Variants in NINL observed in about 807,000 individuals in gnomAD.
NINL encodes ninein-like protein.
A neutral mutation model predicts 160.3 loss-of-function variants in NINL; 153 were observed. The observed-to-expected ratio is 0.95, with a 90% CI of 0.84 to 1.09. The LOEUF is 1.09. Ranked by LOEUF, NINL falls within the 50% of genes least tolerant of loss-of-function variation. The pLI is 0.00. For missense variants in NINL, 1,829 were observed against 1,764.0 expected (o/e 1.04, Z -0.66); for synonymous variants, 800 against 734.8 (o/e 1.09, Z -1.43).
At chr20:25,506,976 A>T (rs936795345) in intron 5 of NINL, among the ~76,000 whole-genome samples, 1 of 152,244 alleles carries the variant, frequency 6.6e-6, no homozygotes, top group Middle Eastern at 3.2e-3. Context: ...TGTCTCAAAC[A>T]TATATTCTTA....
At chr20:25,498,901 A>G in intron 8 of NINL, 3 of 985,290 alleles carry the variant, frequency 3.0e-6, no homozygotes, top group Non-Finnish European at 3.6e-6. Flanking sequence ...CAAAGCACAG[A>G]ACAGCCGGCA....
chr20:25,467,433 C>T lies in NINL; in HGVS notation c.3379G>A (p.Asp1127Asn). 2 of 1,614,098 alleles carry T rather than the reference C, an allele frequency of 1.2e-6. No individual in the cohort carries two copies. The highest frequency in any genetic ancestry group is 1.7e-6 in the Non-Finnish European group (2 of 1,179,944). ...QRKEIEVLKKDKEKACSEMEV... is the reference protein window; with the variant it reads ...QRKEIEVLKKNKEKACSEMEV... ...ATCTCAGAGCAGGCCTTTTCCTTGT[C>T]TTTCTTTAAAACCTCAATTTCCTTC... The change falls in exon 19 of 24, where the codon GAC (aspartate) becomes AAC (asparagine). Residue 1127 changes from aspartate to asparagine, a missense_variant. Asp to Asn is a conservative substitution (Grantham distance 23). Transcript: ENST00000278886.
At chr20:25,495,765 C>A (rs1462878734) in intron 10 of NINL, among the ~76,000 whole-genome samples, 1 of 152,224 alleles carries the variant, frequency 6.6e-6, no homozygotes, top group Non-Finnish European at 1.5e-5. Flanking sequence ...CTCTCCCTGC[C>A]TGAGCCTGGG....
At chr20:25,489,210 A>T (rs2146663386) in intron 13 of NINL, 34 bp downstream of exon 13, 1 of 1,602,648 alleles carries the variant, frequency 6.2e-7, no homozygotes, top group Non-Finnish European at 8.6e-7. Flanking sequence ...GAGCCTGGAC[A>T]TGAGACTAAA....
chr20:25,453,866 C>T (rs1459051292), intron 23 of NINL, among the ~76,000 whole-genome samples: 5 of 151,992 alleles, frequency 3.3e-5, no homozygotes, highest in Non-Finnish European at 1.5e-5. Context: ...CTGGCGAACA[C>T]GGTGAAACCC....
chr20:25,521,628 A>G (rs1290584142), intron 2 of NINL, among the ~76,000 whole-genome samples: 1 of 152,224 alleles, frequency 6.6e-6, no homozygotes, highest in Admixed American at 6.5e-5. Flanking sequence ...ATTTGAGATT[A>G]TCTAGTGTAC....
chr20:25,542,059 G>A (rs894509049), intron 1 of NINL, among the ~76,000 whole-genome samples: 3 of 152,216 alleles, frequency 2.0e-5, no homozygotes, highest in Non-Finnish European at 2.9e-5. Context: ...CCCTAGAGCT[G>A]GATGACAGCA....
intron 1 of NINL, among the ~76,000 whole-genome samples, chr20:25,557,899 C>T (rs1432415521): frequency 1.3e-5 from 2 of 150,728 alleles, no homozygotes; most frequent in South Asian, 2.1e-4. Flanking sequence ...AAGGCCGAGG[C>T]GGGCAGATCA....
intron 1 of NINL, among the ~76,000 whole-genome samples, chr20:25,529,016 G>T (rs539000718): frequency 2.0e-4 from 31 of 152,282 alleles, no homozygotes; most frequent in African/African-American, 7.0e-4. Flanking sequence ...GTCAGAAAAA[G>T]AATGTATGAG....
At chr20:25,482,137 G>A (rs1233199121) in intron 13 of NINL, 37 bp from the exon 14 acceptor site, 1 of 1,577,438 alleles carries the variant, frequency 6.3e-7, no homozygotes, top group Non-Finnish European at 8.6e-7. Flanking sequence ...TCTAGCAGCT[G>A]CAGCCATTCA....
At position 25,559,766 on chromosome 20, in the gene NINL, AT is replaced by A. The variant is rs540169538; in HGVS notation, c.-12+25688del. ...CAGGCACACACCACCACACCCGACTATTTTTTTTTTTCTCGTTTTTTGTAAA... is the reference window on the plus strand; with the variant it reads ...CAGGCACACACCACCACACCCGACTATTTTTTTTTTCTCGTTTTTTGTAAA... On this transcript the variant is annotated intron_variant, in intron 1 of 23. Coordinates refer to ENST00000278886, the MANE Select transcript of NINL (RefSeq NM_025176.6). 6.3e-3 allele frequency among the ~76,000 whole-genome samples: 917 copies of A among 146,520 alleles called. 11 individuals are homozygous for A. Among genetic ancestry groups the A allele is most frequent in the African/African-American group, 0.02 (794 of 40,158 alleles).
chr20:25,520,442 C>G (rs1489114787), intron 2 of NINL, among the ~76,000 whole-genome samples: 1 of 152,170 alleles, frequency 6.6e-6, no homozygotes, highest in Non-Finnish European at 1.5e-5. Context: ...GACACCTCTG[C>G]CTGGGACACA....
chr20:25,526,402 A>T lies in NINL; in HGVS notation c.180+6T>A. On this transcript the variant is annotated splice_donor_region_variant and intron_variant, in intron 2 of 23. Transcript: ENST00000278886. The stretch of plus-strand genomic sequence containing the variant: ...TTCCTTTATGACAATGAAGTCCAAC[A>T]CTCACCCTGGCGAAATGGTCGTTTC... The T allele has an allele frequency of 6.2e-7, 1 of 1,608,398 alleles. No individual in the cohort carries two copies. Among genetic ancestry groups the T allele is most frequent in the Non-Finnish European group, 8.5e-7 (1 of 1,176,180 alleles).
intron 19 of NINL, among the ~76,000 whole-genome samples, chr20:25,465,667 G>A (rs369348076): frequency 3.9e-5 from 6 of 152,202 alleles, no homozygotes; most frequent in Admixed American, 2.0e-4. Flanking sequence ...AGGGACGGCC[G>A]TCAACGCTGT....
At chr20:25,547,485 C>T (rs1033832310) in intron 1 of NINL, among the ~76,000 whole-genome samples, 3 of 152,160 alleles carry the variant, frequency 2.0e-5, no homozygotes, top group African/African-American at 7.2e-5. Flanking sequence ...CTCATGACTG[C>T]CTTCTGAACT....
At chr20:25,493,166 A>C (rs2063675878) in intron 10 of NINL, among the ~76,000 whole-genome samples, 1 of 152,196 alleles carries the variant, frequency 6.6e-6, no homozygotes, top group Non-Finnish European at 1.5e-5. Context: ...GGACAGAAGC[A>C]AATCAGTTCT....
intron 1 of NINL, among the ~76,000 whole-genome samples, chr20:25,554,299 CCT>C (rs1317328489): frequency 2.6e-5 from 4 of 152,232 alleles, no homozygotes; most frequent in East Asian, 3.9e-4. Flanking sequence ...AGGACAGCCC[CCT>C]GAGTGCCAGA....
In NINL at chr20:25,453,920, C is replaced by T. The variant is rs562794361; in HGVS notation, c.3958-278G>A. On this transcript the variant is annotated intron_variant, in intron 23 of 23. Transcript: ENST00000278886. ...CAAAAAAATTAGCTGGGCGTGGTGG[C>T]GGGCGCCTGTAGTCCCAGCTACCCG... is the stretch of plus-strand genomic sequence containing the variant. Among the ~76,000 whole-genome samples the T allele has an allele frequency of 5.9e-5, 9 of 152,054 alleles. No homozygotes were observed. The East Asian group carries it at 7.8e-4, about 13-fold the overall frequency.
chr20:25,540,123 C>A, intron 1 of NINL: 2 of 1,094,524 alleles, frequency 1.8e-6, no homozygotes, highest in Non-Finnish European at 2.5e-6. Flanking sequence ...ATGTCAAAAT[C>A]ACCAGAAAAT....
Sources: gnomAD v4.1 joint callset for allele counts (sites outside exome capture counted in the v4.1 genomes callset) on GRCh38, gnomAD v4.1.1 for gene constraint, MANE v1.5 for transcripts, NCBI Gene and HGNC (gene_info 2026-07-23, HGNC 2026-07-21) for gene names.